The following ZC3H12B variants were observed in gnomAD, a reference collection of about 807,000 sequenced individuals.
ZC3H12B encodes the protein zinc finger CCCH-type containing 12B.
Under a neutral mutation model 43.9 loss-of-function variants are expected in ZC3H12B, and 7 were observed. The observed-to-expected ratio is 0.16, with a 90% CI of 0.09 to 0.30. The LOEUF is 0.30. ZC3H12B is among the 10% of genes least tolerant of loss of function. The probability of loss-of-function intolerance (pLI) is 1.00; values close to 1 mark genes in which losing one functional copy is unlikely to be tolerated. For synonymous variants in ZC3H12B, 222 were observed against 241.7 expected (o/e 0.92, Z 0.76); for missense variants, 475 against 670.2 (o/e 0.71, Z 3.22).
At chrX:65,225,897 G>C in the ZC3H12B span, among the ~76,000 whole-genome samples, 1 of 112,235 alleles carries the variant, frequency 8.9e-6, no homozygotes, top group Non-Finnish European at 1.9e-5. Flanking sequence ...ATCTACGTCT[G>C]ATTGGTGTAA....
chrX:65,373,960 C>G (rs781469891), intron 2 of ZC3H12B, among the ~76,000 whole-genome samples: 1 of 45,604 alleles, frequency 2.2e-5, no homozygotes, highest in African/African-American at 2.1e-4. Flanking sequence ...TATATATATA[C>G]TGTATATATA....
the ZC3H12B span, among the ~76,000 whole-genome samples, chrX:65,051,331 T>C: frequency 1.8e-5 from 2 of 111,822 alleles, no homozygotes; most frequent in African/African-American, 6.5e-5. Context: ...TTTTTTCTTC[T>C]CTGTGTATTT....
chrX:65,302,323 C>T, the ZC3H12B span, among the ~76,000 whole-genome samples: 1 of 111,017 alleles, frequency 9.0e-6, no homozygotes, highest in African/African-American at 3.3e-5. Flanking sequence ...AGCAAAGTTT[C>T]AGGATACAAG....
At chrX:65,172,694 T>A in the ZC3H12B span, among the ~76,000 whole-genome samples, 1 of 112,197 alleles carries the variant, frequency 8.9e-6, no homozygotes, top group Non-Finnish European at 1.9e-5. Flanking sequence ...CCTTTCTACA[T>A]TGTTTGTTTC....
At chrX:65,501,837 G>A in exon 5 of ZC3H12B, 1 of 1,195,343 alleles carries the variant, frequency 8.4e-7, no homozygotes, top group Non-Finnish European at 1.1e-6. Flanking sequence ...CATCCGGAGC[G>A]GGCCAACCAA....
At chrX:65,436,884 G>A (rs184480929) in intron 3 of ZC3H12B, among the ~76,000 whole-genome samples, 9 of 110,818 alleles carry the variant, frequency 8.1e-5, no homozygotes, top group African/African-American at 2.3e-4. Context: ...TACAACAAAT[G>A]GTTATTGGCT....
chrX:65,378,751 C>T (rs758774264), intron 2 of ZC3H12B, among the ~76,000 whole-genome samples: 3 of 112,641 alleles, frequency 2.7e-5, no homozygotes, highest in Admixed American at 1.9e-4. Context: ...TTGGTGCATG[C>T]ACCGTGTGCC....
chrX:65,057,891 T>A, the ZC3H12B span, among the ~76,000 whole-genome samples: 1 of 112,410 alleles, frequency 8.9e-6, no homozygotes, highest in Non-Finnish European at 1.9e-5. Context: ...CTGAAGCTTG[T>A]GTGTTCATTT....
the ZC3H12B span, among the ~76,000 whole-genome samples, chrX:65,171,146 G>A: frequency 8.1e-5 from 9 of 111,120 alleles, no homozygotes; most frequent in Non-Finnish European, 1.5e-4. Flanking sequence ...CAGCTTTTCT[G>A]CTTGGTTTCT....
At chrX:65,194,645 C>T in the ZC3H12B span, among the ~76,000 whole-genome samples, 13 of 111,972 alleles carry the variant, frequency 1.2e-4, no homozygotes, top group African/African-American at 2.6e-4. Context: ...CATGTCTATT[C>T]TGCAGCCTTT....
At chrX:65,135,087 G>A in the ZC3H12B span, among the ~76,000 whole-genome samples, 4 of 111,307 alleles carry the variant, frequency 3.6e-5, no homozygotes, top group Admixed American at 9.5e-5. Flanking sequence ...GGGCTCAGAG[G>A]CCTGACAATA....
exon 5 of ZC3H12B, chrX:65,503,957 A>G (rs907250172): frequency 1.8e-5 from 2 of 112,396 alleles, no homozygotes; most frequent in Non-Finnish European, 3.8e-5. Context: ...ATTACAAAGT[A>G]TGGATGATAT....
At chrX:65,119,566 G>T in the ZC3H12B span, among the ~76,000 whole-genome samples, 1 of 111,348 alleles carries the variant, frequency 9.0e-6, no homozygotes, top group African/African-American at 3.3e-5. Context: ...AGATGAGTAG[G>T]TTGTGAAAAT....
chrX:65,446,300 T>G (rs2067375276), intron 3 of ZC3H12B, among the ~76,000 whole-genome samples: 1 of 111,829 alleles, frequency 8.9e-6, no homozygotes, highest in Admixed American at 9.5e-5. Context: ...CAAGCTGAAC[T>G]GCCTGGGGTT....
chrX:65,265,984 G>A, the ZC3H12B span, among the ~76,000 whole-genome samples: 1 of 111,666 alleles, frequency 9.0e-6, no homozygotes, highest in South Asian at 3.8e-4. Flanking sequence ...AACACAACTA[G>A]AGCACAGTGG....
At chrX:65,443,914 T>C (rs757229100) in intron 3 of ZC3H12B, among the ~76,000 whole-genome samples, 2 of 112,766 alleles carry the variant, frequency 1.8e-5, no homozygotes, top group Non-Finnish European at 3.7e-5. Context: ...AAAATGTGTT[T>C]CTTGCAGGCA....
chrX:65,238,916 AG>A, the ZC3H12B span, among the ~76,000 whole-genome samples: 1 of 111,847 alleles, frequency 8.9e-6, no homozygotes, highest in African/African-American at 3.2e-5. Flanking sequence ...CTTGATCTTG[AG>A]GTCTAATTTG....
chrX:65,330,962 C>A, the ZC3H12B span: 2 of 317,443 alleles, frequency 6.3e-6, no homozygotes, highest in Non-Finnish European at 1.2e-5. Flanking sequence ...TTTCCTGGGG[C>A]AGCCCCTCTC....
chrX:65,441,758 C>T (rs1345500068), intron 3 of ZC3H12B, among the ~76,000 whole-genome samples: 1 of 111,338 alleles, frequency 9.0e-6, no homozygotes, highest in Non-Finnish European at 1.9e-5. Flanking sequence ...AGGGGTTCCC[C>T]AGGCAGAAGG....
Sources: allele counts gnomAD v4.1 joint callset (sites outside exome capture counted in the v4.1 genomes callset), GRCh38; gene constraint gnomAD v4.1.1; transcripts MANE v1.5; gene names NCBI Gene and HGNC (gene_info 2026-07-23, HGNC 2026-07-21).